KANK1: variants seen among roughly 807,000 people sequenced by gnomAD.
KANK1 encodes the protein KN motif and ankyrin repeat domains 1, also known as KN motif and ankyrin repeat domain-containing protein 1.
In KANK1, 109 loss-of-function variants were observed where a neutral mutation model predicts 106.2. That is an observed-to-expected ratio of 1.03 (90% CI 0.88 to 1.20). The LOEUF (loss-of-function observed/expected upper bound fraction) is 1.20. Among genes scored for constraint, KANK1 ranks in the 50% most tolerant of loss-of-function variants. The pLI, the probability that KANK1 is intolerant of heterozygous loss-of-function variation, is 0.00. For synonymous variants in KANK1, 873 were observed against 652.2 expected, an observed-to-expected ratio of 1.34 and a Z score of -5.16; for missense variants, 2,399 against 1,710.7, an observed-to-expected ratio of 1.40 and a Z score of -7.10.
intron 1 of KANK1, among the ~76,000 whole-genome samples, chr9:525,032 G>A (rs1255784431): frequency 7.4e-6 from 1 of 135,910 alleles, no homozygotes; most frequent in Non-Finnish European, 1.5e-5. Context: ...TGTCACCCAG[G>A]CTGGAGAGCA....
intron 1 of KANK1, chr9:540,488 A>G (rs1424677553): frequency 6.6e-6 from 1 of 152,198 alleles, no homozygotes; most frequent in Non-Finnish European, 1.5e-5. Context: ...ACATTGACCC[A>G]TAATTTTATT....
chr9:497,209 CAA>C (rs201864990), intron 3 of KANK1, among the ~76,000 whole-genome samples: 1 of 150,812 alleles, frequency 6.6e-6, no homozygotes, highest in Non-Finnish European at 1.5e-5. Context: ...CATTTAGTCT[CAA>C]AAAAAAGAAA....
At chr9:714,522 G>A (rs1395233396) in intron 3 of KANK1, among the ~76,000 whole-genome samples, 1 of 151,896 alleles carries the variant, frequency 6.6e-6, no homozygotes, top group African/African-American at 2.4e-5. Context: ...ACTATGCCCA[G>A]CCACTTTTGT....
intron 1 of KANK1, among the ~76,000 whole-genome samples, chr9:633,345 C>A: frequency 6.6e-6 from 1 of 152,056 alleles, no homozygotes; most frequent in Admixed American, 6.5e-5. Flanking sequence ...GTAGTCCCAG[C>A]TACTTGGGAG....
chr9:518,713 GTTTAC>G (rs1194258183), intron 1 of KANK1, among the ~76,000 whole-genome samples: 1 of 151,392 alleles, frequency 6.6e-6, no homozygotes, highest in Non-Finnish European at 1.5e-5. Flanking sequence ...GAGCCACCTT[GTTTAC>G]TTTAGGCTAG....
intron 1 of KANK1, among the ~76,000 whole-genome samples, chr9:532,364 CT>C (rs1187078952): frequency 0.16 from 12,766 of 81,528 alleles, 824 homozygotes; most frequent in African/African-American, 0.26. Context: ...GCCTCAAGCA[CT>C]TTTTTTTTTT....
intron 1 of KANK1, among the ~76,000 whole-genome samples, chr9:544,231 G>A (rs1481776457): frequency 6.6e-6 from 1 of 151,872 alleles, no homozygotes; most frequent in African/African-American, 2.4e-5. Flanking sequence ...ATGTTGCCCA[G>A]ACTGGTCTCG....
At chr9:496,988 C>T (rs2058467324) in intron 3 of KANK1, among the ~76,000 whole-genome samples, 1 of 152,034 alleles carries the variant, frequency 6.6e-6, no homozygotes, top group African/African-American at 2.4e-5. Context: ...AGCTCAATTT[C>T]CTGAACTAGA....
chr9:726,771 C>T (rs1223386750), intron 3 of KANK1, among the ~76,000 whole-genome samples: 1 of 151,614 alleles, frequency 6.6e-6, no homozygotes, highest in Non-Finnish European at 1.5e-5. Context: ...ACCAGCCTGG[C>T]CAACATGGTA....
intron 1 of KANK1, among the ~76,000 whole-genome samples, chr9:561,213 A>T (rs1459065210): frequency 2.0e-5 from 3 of 152,202 alleles, no homozygotes; most frequent in Admixed American, 6.5e-5. Flanking sequence ...TTATGGGTAG[A>T]CATAAGAAGG....
chr9:605,546 G>A (rs1253955096), intron 1 of KANK1, among the ~76,000 whole-genome samples: 1 of 151,738 alleles, frequency 6.6e-6, no homozygotes, highest in African/African-American at 2.4e-5. Context: ...CTGGGCAAAG[G>A]TGTAGAGGGG....
chr9:535,085 G>A (rs2060235824), intron 1 of KANK1, among the ~76,000 whole-genome samples: 1 of 152,232 alleles, frequency 6.6e-6, no homozygotes, highest in South Asian at 2.1e-4. Flanking sequence ...GAGTGGCACA[G>A]TAACTCTGCC....
intron 1 of KANK1, among the ~76,000 whole-genome samples, chr9:516,396 A>G (rs147177862): frequency 6.6e-6 from 1 of 151,876 alleles, no homozygotes; most frequent in Admixed American, 6.5e-5. Flanking sequence ...CTCTGGCATG[A>G]AACAGTTGGG....
intron 1 of KANK1, among the ~76,000 whole-genome samples, chr9:529,176 C>T (rs1221124184): frequency 1.3e-5 from 2 of 151,904 alleles, no homozygotes; most frequent in African/African-American, 2.4e-5. Flanking sequence ...CATATTCTCT[C>T]TTTACAGGCA....
At chr9:626,646 A>G (rs1031206982) in intron 1 of KANK1, among the ~76,000 whole-genome samples, 5 of 152,230 alleles carry the variant, frequency 3.3e-5, no homozygotes, top group African/African-American at 4.8e-5. Flanking sequence ...TTTGGCCTCA[A>G]ATTTCTGAGG....
chr9:705,717 G>C (rs543851329), intron 2 of KANK1, among the ~76,000 whole-genome samples: 36 of 151,698 alleles, frequency 2.4e-4, no homozygotes, highest in African/African-American at 8.7e-4. Context: ...TCCTGCCTCA[G>C]CCTCCCAAGT....
intron 1 of KANK1, among the ~76,000 whole-genome samples, chr9:665,894 C>G (rs1220400223): frequency 2.6e-5 from 4 of 152,074 alleles, no homozygotes; most frequent in South Asian, 2.1e-4. Context: ...AATTGATTCT[C>G]AGGGGCCAGG....
intron 1 of KANK1, among the ~76,000 whole-genome samples, chr9:539,796 C>A (rs1449231632): frequency 6.6e-6 from 1 of 152,118 alleles, no homozygotes; most frequent in African/African-American, 2.4e-5. Flanking sequence ...CTTATTCTCT[C>A]TTGATGCTAT....
At chr9:504,358 C>T (rs2058628906), upstream of KANK1, among the ~76,000 whole-genome samples, 1 of 151,794 alleles carries the variant, frequency 6.6e-6, no homozygotes, top group African/African-American at 2.4e-5. Flanking sequence ...CCAGGCGCGG[C>T]GACGAAGGTG....
Sources: gnomAD v4.1 joint callset for allele counts (sites outside exome capture counted in the v4.1 genomes callset) on GRCh38, gnomAD v4.1.1 for gene constraint, MANE v1.5 for transcripts, NCBI Gene and HGNC (gene_info 2026-07-23, HGNC 2026-07-21) for gene names.